Variants in ZC3H14 observed in about 807,000 individuals in gnomAD.
The protein encoded by ZC3H14 is zinc finger CCCH domain-containing protein 14.
A neutral mutation model predicts 92.4 loss-of-function variants in ZC3H14; 31 were observed. The observed-to-expected ratio is 0.34, with a 90% CI of 0.25 to 0.45. ZC3H14 has a LOEUF of 0.45. ZC3H14 is among the 20% of genes least tolerant of loss of function. ZC3H14 has a pLI of 1.00. For missense variants in ZC3H14, 781 were observed against 897.3 expected (o/e 0.87, Z 1.66); for synonymous variants, 321 against 300.9 (o/e 1.07, Z -0.69).
chr14:88,608,521 G>C, intron 13 of ZC3H14: 1 of 255,566 alleles, frequency 3.9e-6, no homozygotes, highest in Non-Finnish European at 7.7e-6. Flanking sequence ...GTTCATGTAT[G>C]TTTGTTGAGA....
chr14:88,618,863 ATACTT>A lies in ZC3H14; in HGVS notation c.*7113_*7117del, dbSNP rs775058704. On this transcript the variant is annotated 3_prime_UTR_variant, in exon 17 of 17. Transcript: ENST00000251038. ...TATTAGACCACATGAAGTATTATAA[ATACTT>A]AAGATCAGTGACTTTTCCTTTCTAG... The A allele has an allele frequency of 7.7e-5, 115 of 1,494,848 alleles. No homozygotes were observed. Among genetic ancestry groups the A allele is most frequent in the Admixed American group, 1.7e-4 (7 of 42,046 alleles). 92.6% of individuals were successfully genotyped at this position (1,494,848 alleles called of 1,614,324 possible). A position where few individuals can be genotyped will look rare whatever the true frequency, so the allele number is the denominator to read the frequency against.
rs2087450572 is a variant in ZC3H14, at chr14:88,615,461, A to G, written c.*3710A>G. The G allele has an allele frequency of 4.9e-6, 1 of 203,776 alleles. No homozygotes were observed. Among genetic ancestry groups the G allele is most frequent in the Non-Finnish European group, 9.8e-6 (1 of 102,148 alleles). The allele number at this position is 203,776 out of a possible 1,614,324, so 12.6% of individuals were successfully genotyped here. A position where few individuals can be genotyped will look rare whatever the true frequency, so the allele number is the denominator to read the frequency against. On this transcript the variant is annotated 3_prime_UTR_variant, in exon 17 of 17. Coordinates refer to ENST00000251038, the MANE Select transcript of ZC3H14 (RefSeq NM_024824.5). Reference sequence around the variant, plus strand: ...AAACCATTTTGCTAAAAAGATAATGAAAATTATCCAAATTGGGTTTTTGAG... The same window carrying G: ...AAACCATTTTGCTAAAAAGATAATGGAAATTATCCAAATTGGGTTTTTGAG...
At chr14:88,580,877 CT>C (rs1186116855) in intron 9 of ZC3H14, among the ~76,000 whole-genome samples, 1 of 152,208 alleles carries the variant, frequency 6.6e-6, no homozygotes, top group African/African-American at 2.4e-5. Context: ...TATCATCAAA[CT>C]TTTCAACAGC....
At chr14:88,566,164 G>A (rs951983783) in intron 2 of ZC3H14, among the ~76,000 whole-genome samples, 3 of 151,378 alleles carry the variant, frequency 2.0e-5, no homozygotes, top group African/African-American at 7.3e-5. Context: ...ACAGGTGTGA[G>A]CCACTGTGCC....
rs1462899584 is a variant in ZC3H14, at chr14:88,615,895, T to G, written c.*4144T>G. 1 of 1,588,862 alleles carries G rather than the reference T, an allele frequency of 6.3e-7. No individual in the cohort carries two copies. Among genetic ancestry groups the G allele is most frequent in the Non-Finnish European group, 8.6e-7 (1 of 1,167,060 alleles). On this transcript the variant is annotated 3_prime_UTR_variant, in exon 17 of 17. Transcript: ENST00000251038. The stretch of plus-strand genomic sequence containing the variant: ...AAAATTGCAGGGAGTTAATTATGTT[T>G]TTAGATTTTCATAACAGTTTAATAT...
At chr14:88,598,706 C>T (rs968148834) in intron 10 of ZC3H14, among the ~76,000 whole-genome samples, 1 of 152,232 alleles carries the variant, frequency 6.6e-6, no homozygotes, top group African/African-American at 2.4e-5. Flanking sequence ...TAGGCCTCTC[C>T]GAAGATTATC....
rs760132282 is a variant in ZC3H14 at position 88,595,050 on chromosome 14, T to G, written c.1280-1684T>G. The G allele has an allele frequency of 3.1e-6, 5 of 1,613,512 alleles. No homozygotes were observed. The Admixed American group carries it at 8.3e-5, about 27-fold the overall frequency. On this transcript the variant is annotated intron_variant, in intron 9 of 16. Coordinates refer to ENST00000251038, the MANE Select transcript of ZC3H14 (RefSeq NM_024824.5). Reference sequence around the variant, plus strand: ...AGTTTGAAGATCAAGAAGAAGATACTGAATCACAGTCAAGAACTACTGATG... The same window carrying G: ...AGTTTGAAGATCAAGAAGAAGATACGGAATCACAGTCAAGAACTACTGATG...
At chr14:88,563,365 G>GTTCC in intron 1 of ZC3H14, 196 bp downstream of exon 1, 2 of 1,445,626 alleles carry the variant, frequency 1.4e-6, no homozygotes, top group Non-Finnish European at 1.8e-6. Context: ...GGCTGCGGCT[G>GTTCC]AAGTAGCCGC....
chr14:88,571,942 G>A (rs1468838251), intron 4 of ZC3H14, 88 bp from the exon 5 acceptor site: 8 of 1,121,402 alleles, frequency 7.1e-6, no homozygotes, highest in Admixed American at 3.0e-5. Context: ...CCAGCCTGGC[G>A]ACAGAGCGAG....
At chr14:88,611,690 G>A (rs1284447840) in intron 16 of ZC3H14, 55 bp from the exon 17 acceptor site, 2 of 1,604,974 alleles carry the variant, frequency 1.2e-6, no homozygotes, top group Admixed American at 1.7e-5. Context: ...GAGATATATG[G>A]TATATATGGA....
In ZC3H14 at chr14:88,613,523, TTTAA is replaced by T. The variant is rs2087153512; in HGVS notation, c.*1774_*1777del. 1 of 152,214 alleles carries T rather than the reference TTTAA, an allele frequency of 6.6e-6. No individual in the cohort carries two copies. The highest frequency in any genetic ancestry group is 1.5e-5 in the Non-Finnish European group (1 of 68,038). 9.4% of individuals were successfully genotyped at this position (152,214 alleles called of 1,614,324 possible). ...ACTAAAATCTGATTGTTTTTTGCTA[TTTAA>T]TAGCCACTGCCCAGACACATATTTA... On this transcript the variant is annotated 3_prime_UTR_variant, in exon 17 of 17. Coordinates refer to ENST00000251038, the MANE Select transcript of ZC3H14 (RefSeq NM_024824.5).
intron 2 of ZC3H14, among the ~76,000 whole-genome samples, chr14:88,564,633 G>A (rs534254877): frequency 3.6e-4 from 55 of 152,184 alleles, no homozygotes; most frequent in Non-Finnish European, 6.6e-4. Context: ...TAAAACTAAT[G>A]GTTGATAAAA....
chr14:88,570,175 C>T (rs2116445), intron 3 of ZC3H14, among the ~76,000 whole-genome samples: 23,286 of 152,144 alleles, frequency 0.15, 2,346 homozygotes, highest in Admixed American at 0.29. Flanking sequence ...AGGGTGATGT[C>T]CCCATTTTGG....
chr14:88,564,764 TA>T (rs2079352868), intron 2 of ZC3H14, among the ~76,000 whole-genome samples: 1 of 152,240 alleles, frequency 6.6e-6, no homozygotes, highest in Non-Finnish European at 1.5e-5. Context: ...GTCCAGGGTT[TA>T]CAAAATATTT....
At chr14:88,582,540 G>A (rs957387060) in intron 9 of ZC3H14, among the ~76,000 whole-genome samples, 4 of 152,234 alleles carry the variant, frequency 2.6e-5, no homozygotes, top group African/African-American at 9.6e-5. Context: ...AAAGCACATA[G>A]TGGTTGCTTT....
At chr14:88,605,569 A>G (rs1321953737) in intron 12 of ZC3H14, among the ~76,000 whole-genome samples, 1 of 152,206 alleles carries the variant, frequency 6.6e-6, no homozygotes, top group Non-Finnish European at 1.5e-5. Context: ...CCTGAGCTCA[A>G]GTGATCTGCC....
Position 88,624,872 on chromosome 14 carries a change from G to T in ZC3H14, c.*13121G>T. ...GCATATGAGGAGGAAGGTCGGAGAG[G>T]ACACTCTGTGTAGCCTAGAAACAAC... On this transcript the variant is annotated 3_prime_UTR_variant, in exon 17 of 17. Coordinates refer to ENST00000251038, the MANE Select transcript of ZC3H14 (RefSeq NM_024824.5). The T allele has an allele frequency of 1.5e-6, 2 of 1,356,826 alleles. No individual in the cohort carries two copies. Among genetic ancestry groups the T allele is most frequent in the Non-Finnish European group, 2.0e-6 (2 of 998,480 alleles). The allele number at this position is 1,356,826 out of a possible 1,614,324, so 84.0% of individuals were successfully genotyped here. A position where few individuals can be genotyped will look rare whatever the true frequency, so the allele number is the denominator to read the frequency against.
Position 88,626,873 on chromosome 14 carries a change from G to C in ZC3H14, c.*15122G>C. 6.2e-7 allele frequency: 1 copy of C among 1,613,866 alleles called. No individual in the cohort carries two copies. ...GCAATAGCGAGCATGGTCTGCATCC[G>C]GGCATCTTCCAGTGTGCTCAGTAGC... On this transcript the variant is annotated 3_prime_UTR_variant, in exon 17 of 17. Coordinates refer to ENST00000251038, the MANE Select transcript of ZC3H14 (RefSeq NM_024824.5).
At chr14:88,577,953 G>A (rs1423460192) in intron 8 of ZC3H14, 32 bp from the exon 9 acceptor site, 1 of 1,613,544 alleles carries the variant, frequency 6.2e-7, no homozygotes, top group Non-Finnish European at 8.5e-7. Context: ...TACTGCATTT[G>A]TATTTCTATC....
Sources: allele counts gnomAD v4.1 joint callset (sites outside exome capture counted in the v4.1 genomes callset), GRCh38; gene constraint gnomAD v4.1.1; transcripts MANE v1.5; gene names NCBI Gene and HGNC (gene_info 2026-07-23, HGNC 2026-07-21).